Variants in FAAH2 observed in about 807,000 individuals in gnomAD.
The protein encoded by FAAH2 is fatty-acid amide hydrolase 2.
In FAAH2, 60 loss-of-function variants were observed where a neutral mutation model predicts 36.9. The ratio of observed to expected loss-of-function variants is 1.63; its 90% CI spans 1.32 to 2.02. FAAH2 has a LOEUF of 2.02. Ranked by LOEUF, FAAH2 falls within the 30% of genes most tolerant of loss-of-function variation. FAAH2 has a pLI of 0.00. For missense variants in FAAH2, 689 were observed against 397.5 expected (o/e 1.73, Z -6.23); for synonymous variants, 214 against 143.8 (o/e 1.49, Z -3.49).
At chrX:57,340,937 A>G (rs1490976567) in intron 4 of FAAH2, among the ~76,000 whole-genome samples, 2 of 110,650 alleles carry the variant, frequency 1.8e-5, no homozygotes, top group African/African-American at 6.6e-5. Flanking sequence ...CCTGCACATG[A>G]ACCCCAGAAC....
chrX:57,478,219 A>T (rs963337195), intron 10 of FAAH2, among the ~76,000 whole-genome samples: 3 of 111,698 alleles, frequency 2.7e-5, no homozygotes. Context: ...TGGTTTTGAT[A>T]TGCATTTCTC....
Position 57,292,545 on chromosome X carries a change from C to T in FAAH2, c.240C>T (p.Asp80=), listed in dbSNP as rs866870044. 15 of 1,208,109 alleles carry T rather than the reference C, an allele frequency of 1.2e-5. No homozygotes were observed. The Middle Eastern group carries it at 9.2e-4, about 74-fold the overall frequency. Residue 80 remains aspartate, a synonymous_variant, in exon 2 of 11, where the codon GAC becomes GAT. Coordinates refer to ENST00000374900, the MANE Select transcript of FAAH2 (RefSeq NM_174912.4). ...AGGCTTATATCAACAGAATCAAGGA[C>T]GTGAACCCAATGATCAATGGAATTG... is the stretch of plus-strand genomic sequence containing the variant. ...VVQAYINRIK[D]VNPMINGIVK...
intron 10 of FAAH2, among the ~76,000 whole-genome samples, chrX:57,457,738 C>T (rs1189891949): frequency 2.9e-5 from 3 of 102,469 alleles, no homozygotes; most frequent in African/African-American, 1.0e-4. Context: ...ACCCATCTAA[C>T]CAATGAGGTA....
At chrX:57,446,237 T>C (rs188495503) in intron 8 of FAAH2, among the ~76,000 whole-genome samples, 1 of 112,120 alleles carries the variant, frequency 8.9e-6, no homozygotes, top group Non-Finnish European at 1.9e-5. Flanking sequence ...TCCTACTCTC[T>C]TCAGTGCCTC....
intron 5 of FAAH2, among the ~76,000 whole-genome samples, chrX:57,369,875 C>T (rs951273091): frequency 2.7e-5 from 3 of 111,698 alleles, no homozygotes; most frequent in African/African-American, 9.8e-5. Context: ...TAAATAATAC[C>T]TATAGCTACA....
intron 7 of FAAH2, among the ~76,000 whole-genome samples, chrX:57,386,728 G>T (rs1200012717): frequency 1.8e-5 from 2 of 111,523 alleles, no homozygotes; most frequent in Non-Finnish European, 3.8e-5. Context: ...AAATTCATGT[G>T]TATGAAAAGC....
the FAAH2 span, among the ~76,000 whole-genome samples, chrX:57,249,403 C>G: frequency 1.8e-5 from 2 of 112,245 alleles, no homozygotes; most frequent in African/African-American, 6.5e-5. Flanking sequence ...TTCTTACACA[C>G]ACCTTGTTCC....
intron 7 of FAAH2, among the ~76,000 whole-genome samples, chrX:57,385,801 G>A (rs1026735334): frequency 9.1e-6 from 1 of 110,124 alleles, no homozygotes; most frequent in Non-Finnish European, 1.9e-5. Flanking sequence ...CCAGCTACTC[G>A]GGAGGCTGAG....
At chrX:57,243,369 A>G in the FAAH2 span, among the ~76,000 whole-genome samples, 1 of 112,399 alleles carries the variant, frequency 8.9e-6, no homozygotes, top group African/African-American at 3.2e-5. Context: ...AGAGAGCAGC[A>G]CATCTCCCAG....
chrX:57,430,035 T>C (rs982319047), intron 7 of FAAH2, among the ~76,000 whole-genome samples: 2 of 110,929 alleles, frequency 1.8e-5, no homozygotes, highest in African/African-American at 6.6e-5. Context: ...CTCAAAAGGA[T>C]GGGAGGGATC....
the FAAH2 span, among the ~76,000 whole-genome samples, chrX:57,215,906 CATATATATAT>C: frequency 4.3e-4 from 38 of 89,364 alleles, no homozygotes; most frequent in African/African-American, 6.8e-4. Flanking sequence ...CCATGGCACT[CATATATATAT>C]ATATATATAT....
At chrX:57,327,181 G>T (rs2053242934) in intron 3 of FAAH2, among the ~76,000 whole-genome samples, 1 of 102,141 alleles carries the variant, frequency 9.8e-6, no homozygotes, top group Admixed American at 1.1e-4. Context: ...ACTCTCTTCT[G>T]GCTTGTAGAG....
intron 10 of FAAH2, among the ~76,000 whole-genome samples, chrX:57,483,775 C>A (rs1345119926): frequency 2.4e-5 from 2 of 83,268 alleles, no homozygotes; most frequent in Non-Finnish European, 4.3e-5. Flanking sequence ...GCACTGGGGG[C>A]AACTTTTTTT....
intron 5 of FAAH2, among the ~76,000 whole-genome samples, chrX:57,353,780 G>T (rs779393862): frequency 5.1e-5 from 5 of 98,870 alleles, no homozygotes; most frequent in Non-Finnish European, 2.0e-5. Context: ...ATTCACAACT[G>T]GGCAAAGGAC....
At chrX:57,160,401 T>C in the FAAH2 span, among the ~76,000 whole-genome samples, 2 of 112,166 alleles carry the variant, frequency 1.8e-5, no homozygotes, top group African/African-American at 3.2e-5. Context: ...ATTGGAATTG[T>C]TTCAAAAGGA....
At chrX:57,421,690 A>G (rs1220183149) in intron 7 of FAAH2, among the ~76,000 whole-genome samples, 1 of 111,957 alleles carries the variant, frequency 8.9e-6, no homozygotes, top group Non-Finnish European at 1.9e-5. Flanking sequence ...TAGGGTTGCG[A>G]CATATAAATT....
At chrX:57,470,348 A>T (rs762424544) in intron 10 of FAAH2, among the ~76,000 whole-genome samples, 4 of 111,456 alleles carry the variant, frequency 3.6e-5, no homozygotes, top group Non-Finnish European at 7.5e-5. Flanking sequence ...TTGATAGACT[A>T]CTAGCAAGAC....
chrX:57,340,895 C>A (rs1361967722), intron 4 of FAAH2, among the ~76,000 whole-genome samples: 1 of 110,074 alleles, frequency 9.1e-6, no homozygotes, highest in Non-Finnish European at 1.9e-5. Flanking sequence ...ACCACCATGG[C>A]ACGCATATAC....
chrX:57,430,003 G>A (rs2056256993), intron 7 of FAAH2, among the ~76,000 whole-genome samples: 1 of 111,088 alleles, frequency 9.0e-6, no homozygotes, highest in East Asian at 2.8e-4. Flanking sequence ...GACATAAGGA[G>A]TAAAATAATA....
Sources: allele counts gnomAD v4.1 joint callset (sites outside exome capture counted in the v4.1 genomes callset), GRCh38; gene constraint gnomAD v4.1.1; transcripts MANE v1.5; gene names NCBI Gene and HGNC (gene_info 2026-07-23, HGNC 2026-07-21).